Variants in DNAAF4 observed in about 807,000 individuals in gnomAD.
DNAAF4 encodes the protein dynein assembly factor 4, axonemal.
Under a neutral mutation model 51.8 loss-of-function variants are expected in DNAAF4, and 43 were observed. The ratio of observed to expected loss-of-function variants is 0.83; its 90% CI spans 0.65 to 1.07. The LOEUF is 1.07. Among genes scored for constraint, DNAAF4 ranks in the 50% least tolerant of loss-of-function variants. The pLI is 0.00. For synonymous variants in DNAAF4, 194 were observed against 165.6 expected (o/e 1.17, Z -1.32); for missense variants, 581 against 493.0 (o/e 1.18, Z -1.69).
chr15:55,504,638 C>G (rs908134714), intron 1 of DNAAF4, among the ~76,000 whole-genome samples: 3 of 152,322 alleles, frequency 2.0e-5, no homozygotes, highest in African/African-American at 7.2e-5. Context: ...ACCATCTGAT[C>G]TTTCACAAAC....
At chr15:55,458,234 G>A (rs1402532647) in intron 5 of DNAAF4, among the ~76,000 whole-genome samples, 1 of 152,150 alleles carries the variant, frequency 6.6e-6, no homozygotes, top group Admixed American at 6.6e-5. Flanking sequence ...TGATTATTAA[G>A]CTCCTCAAGA....
chr15:55,460,275 A>G (rs186810168), intron 5 of DNAAF4, among the ~76,000 whole-genome samples: 1,681 of 150,574 alleles, frequency 0.011, 15 homozygotes, highest in Non-Finnish European at 0.014. Context: ...CCACCTCCAG[A>G]TTCATGCAAT....
intron 6 of DNAAF4, among the ~76,000 whole-genome samples, chr15:55,446,021 ACC>A: frequency 8.3e-6 from 1 of 119,886 alleles, no homozygotes; most frequent in African/African-American, 3.3e-5. Context: ...GGCGCTCCTC[ACC>A]TCCCAGACGG....
chr15:55,419,490 G>A (rs1367085841), intron 7 of DNAAF4, among the ~76,000 whole-genome samples: 2 of 151,814 alleles, frequency 1.3e-5, no homozygotes, highest in African/African-American at 2.4e-5. Flanking sequence ...ATCCTGCCTC[G>A]GCCTCCCAAA....
rs1390658349 is a variant in DNAAF4 at position 55,463,207 on chromosome 15, CACACAA to C, written c.637+3717_637+3722del. 2.9e-4 allele frequency among the ~76,000 whole-genome samples: 44 copies of C among 151,788 alleles called. 1 individual carries two copies. The highest frequency in any genetic ancestry group is 1.5e-3 in the Admixed American group (23 of 15,236). ...ACACACACACACACACACACACACA[CACACAA>C]AGCATTTGACAAAATCCAGCATCCC... On this transcript the variant is annotated intron_variant, in intron 5 of 9. Transcript: ENST00000321149.
chr15:55,455,297 T>C (rs2058001468), intron 5 of DNAAF4, among the ~76,000 whole-genome samples: 1 of 148,712 alleles, frequency 6.7e-6, no homozygotes, highest in Non-Finnish European at 1.5e-5. Context: ...GTATACAATC[T>C]AGACAAGAAC....
chr15:55,430,743 G>T lies in DNAAF4; in HGVS notation c.1190C>A (p.Pro397Gln). The change falls in exon 10 of 10, where the codon CCA becomes CAA. Residue 397 changes from proline to glutamine, a missense_variant. Physicochemically the swap from Pro to Gln is moderately conservative, Grantham distance 76. Transcript: ENST00000321149. ...QDYEAALKIDPSNKIVQIDAE... is the reference protein window; with the variant it reads ...QDYEAALKIDQSNKIVQIDAE... ...ATCAATTTGTACAATTTTGTTGGAT[G>T]GATCAATCTTAAGTGCCGCTTCATA... is the stretch of plus-strand genomic sequence containing the variant. 1 of 1,613,294 alleles carries T rather than the reference G, an allele frequency of 6.2e-7. No individual in the cohort carries two copies. Among genetic ancestry groups the T allele is most frequent in the South Asian group, 1.1e-5 (1 of 91,052 alleles).
intron 4 of DNAAF4, among the ~76,000 whole-genome samples, chr15:55,480,015 T>C (rs572400665): frequency 1.5e-3 from 234 of 152,294 alleles, no homozygotes; most frequent in African/African-American, 5.4e-3. Flanking sequence ...TTGTCAGTAG[T>C]TCTGCTTTTG....
intron 1 of DNAAF4, among the ~76,000 whole-genome samples, chr15:55,500,943 G>C (rs967110169): frequency 2.1e-5 from 3 of 141,084 alleles, no homozygotes; most frequent in Admixed American, 1.5e-4. Flanking sequence ...CATGAGCTGA[G>C]AGCGTGCCAT....
intron 6 of DNAAF4, among the ~76,000 whole-genome samples, chr15:55,440,330 C>T (rs1294378798): frequency 6.6e-6 from 1 of 152,062 alleles, no homozygotes; most frequent in Non-Finnish European, 1.5e-5. Context: ...GGATTATAGG[C>T]GTGAGCCACC....
chr15:55,427,764 T>A (rs1252136015), downstream of DNAAF4, among the ~76,000 whole-genome samples: 1 of 151,652 alleles, frequency 6.6e-6, no homozygotes, highest in Non-Finnish European at 1.5e-5. Flanking sequence ...GCATCCCGAG[T>A]AGCTGGGATT....
intron 4 of DNAAF4, 149 bp downstream of exon 4, chr15:55,490,974 T>A (rs2058563686): frequency 4.7e-6 from 4 of 846,022 alleles, no homozygotes. Context: ...AAAACACACA[T>A]ATAAATAGCA....
Position 55,489,953 on chromosome 15 carries a change from A to C in DNAAF4, c.405+1170T>G, listed in dbSNP as rs541699049. On this transcript the variant is annotated intron_variant, in intron 4 of 9. Coordinates refer to ENST00000321149, the MANE Select transcript of DNAAF4 (RefSeq NM_130810.4). ...CAGTGGCGCAATCTCCGCTCACTGC[A>C]ACCTCCACCTCCTGGGTTCAAGCGA... Among the ~76,000 whole-genome samples, 3 of 149,488 alleles carry C rather than the reference A, an allele frequency of 2.0e-5. No homozygotes were observed. The South Asian group carries it at 6.4e-4, about 32-fold the overall frequency.
At chr15:55,428,484 C>CTTTT (rs747325376), downstream of DNAAF4, among the ~76,000 whole-genome samples, 29 of 85,010 alleles carry the variant, frequency 3.4e-4, no homozygotes, top group Non-Finnish European at 4.2e-4. Context: ...TCTTTTTTTT[C>CTTTT]TTTTTTTTTT....
intron 1 of DNAAF4, among the ~76,000 whole-genome samples, chr15:55,501,655 G>T (rs988648632): frequency 6.6e-6 from 1 of 151,932 alleles, no homozygotes; most frequent in Admixed American, 6.6e-5. Flanking sequence ...GATTACAGGT[G>T]TAAGCCACCA....
At chr15:55,439,945 A>G (rs1187966224) in intron 6 of DNAAF4, among the ~76,000 whole-genome samples, 1 of 152,128 alleles carries the variant, frequency 6.6e-6, no homozygotes, top group Non-Finnish European at 1.5e-5. Context: ...TGGCACCCTG[A>G]TCTTGGATTT....
intron 4 of DNAAF4, among the ~76,000 whole-genome samples, chr15:55,475,874 A>G (rs1227622507): frequency 6.6e-6 from 1 of 152,180 alleles, no homozygotes; most frequent in Non-Finnish European, 1.5e-5. Context: ...TCTGAGGTTG[A>G]GATCCTGGTT....
In DNAAF4 at chr15:55,472,710, A is replaced by G. The variant is rs1343201164; in HGVS notation, c.406-5549T>C. Among the ~76,000 whole-genome samples, 5 of 152,350 alleles carry G rather than the reference A, an allele frequency of 3.3e-5. No individual in the cohort carries two copies. The East Asian group carries it at 9.6e-4, about 29-fold the overall frequency. ...GGTTATTAGTTTAATGCAGACAGCAAATAAAACTAATACGAGAATAATGAA... is the reference window on the plus strand; with the variant it reads ...GGTTATTAGTTTAATGCAGACAGCAGATAAAACTAATACGAGAATAATGAA... On this transcript the variant is annotated intron_variant, in intron 4 of 9. Transcript: ENST00000321149.
intron 6 of DNAAF4, among the ~76,000 whole-genome samples, chr15:55,443,602 G>T (rs1037552733): frequency 4.6e-5 from 7 of 152,212 alleles, no homozygotes; most frequent in African/African-American, 7.2e-5. Flanking sequence ...TCTAGGTCTA[G>T]ATCCTTGAGG....
Sources: gnomAD v4.1 joint callset for allele counts (sites outside exome capture counted in the v4.1 genomes callset) on GRCh38, gnomAD v4.1.1 for gene constraint, MANE v1.5 for transcripts, NCBI Gene and HGNC (gene_info 2026-07-23, HGNC 2026-07-21) for gene names.